ANKAR: variants seen among roughly 807,000 people sequenced by gnomAD.
ANKAR encodes ankyrin and armadillo repeat containing.
ANKAR carries 136 observed loss-of-function variants against 146.2 expected under a neutral mutation model. The ratio of observed to expected loss-of-function variants is 0.93; its 90% confidence interval spans 0.81 to 1.07. The LOEUF is 1.07. ANKAR is among the 50% of genes least tolerant of loss of function. The pLI is 0.00. For synonymous variants in ANKAR, 500 were observed against 575.8 expected (o/e 0.87, Z 1.88); for missense variants, 1,567 against 1,679.9 (o/e 0.93, Z 1.18).
chr2:189,721,846 G>A (rs924690607), intron 12 of ANKAR, among the ~76,000 whole-genome samples: 1 of 152,158 alleles, frequency 6.6e-6, no homozygotes, highest in African/African-American at 2.4e-5. Context: ...TTGGTTAAAT[G>A]TAAGTCAAGA....
chr2:189,718,268 C>A (rs149717578), intron 10 of ANKAR, among the ~76,000 whole-genome samples: 5,713 of 152,082 alleles, frequency 0.038, 156 homozygotes, highest in African/African-American at 0.067. Context: ...GTCTGGGCAG[C>A]ATAGTGAGAC....
intron 9 of ANKAR, among the ~76,000 whole-genome samples, chr2:189,708,473 T>C (rs1452013571): frequency 6.6e-6 from 1 of 152,252 alleles, no homozygotes; most frequent in Non-Finnish European, 1.5e-5. Context: ...GTACTTACAG[T>C]CCTCATACAA....
Position 189,741,340 on chromosome 2 carries a change from A to G in ANKAR, c.3701-2A>G. The G allele has an allele frequency of 3.2e-6, 5 of 1,582,612 alleles. No homozygotes were observed. The East Asian group carries it at 6.8e-5, about 21-fold the overall frequency. On this transcript the variant is annotated splice_acceptor_variant, in intron 19 of 22. Transcript: ENST00000684021. LOFTEE classifies it high-confidence loss of function. Reference sequence around the variant, plus strand: ...CAAGCATTTTTCTTGTTTAATTTATAGGGAATTTAATAGCAAGCCTGGCTC... The same window carrying G: ...CAAGCATTTTTCTTGTTTAATTTATGGGGAATTTAATAGCAAGCCTGGCTC...
chr2:189,706,885 A>G, intron 8 of ANKAR, 53 bp from the exon 9 acceptor site: 1 of 1,433,452 alleles, frequency 7.0e-7, no homozygotes, highest in Non-Finnish European at 9.5e-7. Flanking sequence ...GTTTTACAAA[A>G]AGTAAATTTG....
chr2:189,715,201 TAAA>T (rs1045714444), intron 10 of ANKAR, among the ~76,000 whole-genome samples: 5 of 151,592 alleles, frequency 3.3e-5, no homozygotes, highest in Admixed American at 6.6e-5. Context: ...GCAAGACTAA[TAAA>T]GAAGAAAAGA....
chr2:189,733,514 T>C (rs1005923922), intron 17 of ANKAR, among the ~76,000 whole-genome samples: 2 of 152,230 alleles, frequency 1.3e-5, no homozygotes, highest in African/African-American at 4.8e-5. Context: ...AATAATTTTA[T>C]GCCCTTTCAG....
chr2:189,734,625 G>A (rs1331951187), intron 17 of ANKAR, among the ~76,000 whole-genome samples: 1 of 152,182 alleles, frequency 6.6e-6, no homozygotes, highest in Admixed American at 6.6e-5. Flanking sequence ...TCAGGAGGTG[G>A]GTGGGAATTA....
intron 20 of ANKAR, among the ~76,000 whole-genome samples, chr2:189,742,865 G>GAC (rs58780931): frequency 0.069 from 2,946 of 42,964 alleles, 233 homozygotes; most frequent in Middle Eastern, 0.11. Flanking sequence ...AGAATTACCT[G>GAC]ACACACACAC....
At chr2:189,738,937 A>C (rs556894039) in intron 19 of ANKAR, among the ~76,000 whole-genome samples, 1 of 143,066 alleles carries the variant, frequency 7.0e-6, no homozygotes, top group African/African-American at 2.7e-5. Flanking sequence ...TCAAACCCTT[A>C]ACTTTTTTTT....
intron 2 of ANKAR, among the ~76,000 whole-genome samples, chr2:189,681,775 G>A (rs1476227379): frequency 6.6e-6 from 1 of 152,148 alleles, no homozygotes; most frequent in Non-Finnish European, 1.5e-5. Context: ...CAGCAATTCA[G>A]TTTGCCAATT....
rs986164489 is a variant in ANKAR, at chr2:189,755,973, G to C, written c.*585-5125G>C. Among the ~76,000 whole-genome samples, 12 of 152,268 alleles carry C rather than the reference G, an allele frequency of 7.9e-5. No individual in the cohort carries two copies. The East Asian group carries it at 2.3e-3, about 29-fold the overall frequency. On this transcript the variant is annotated intron_variant and NMD_transcript_variant, in intron 18 of 18. Transcript: ENST00000441800. ...AAAATGATTATATCTTAAACTGGGC[G>C]ATTGTGGGAATGGAAAGAAAGGGAC... is the stretch of plus-strand genomic sequence containing the variant.
chr2:189,732,516 C>A (rs975614844), intron 16 of ANKAR, among the ~76,000 whole-genome samples: 5 of 151,968 alleles, frequency 3.3e-5, no homozygotes, highest in Non-Finnish European at 5.9e-5. Flanking sequence ...AAAAAATTAG[C>A]TGGGCGTGGT....
chr2:189,692,205 C>A, intron 3 of ANKAR, 50 bp from the exon 4 acceptor site: 5 of 1,470,252 alleles, frequency 3.4e-6, no homozygotes, highest in Non-Finnish European at 4.6e-6. Context: ...TAAAATATGA[C>A]TTTATGTGCT....
chr2:189,735,880 A>G (rs907912651), intron 17 of ANKAR, among the ~76,000 whole-genome samples: 1 of 152,344 alleles, frequency 6.6e-6, no homozygotes, highest in Admixed American at 6.5e-5. Context: ...TTAATTATGA[A>G]TATACTTTTG....
At chr2:189,677,196 C>A in intron 2 of ANKAR, 105 bp downstream of exon 2, 2 of 1,149,578 alleles carry the variant, frequency 1.7e-6, no homozygotes, top group South Asian at 2.0e-5. Flanking sequence ...AGCCATTCAC[C>A]CACCTAGGCC....
chr2:189,705,748 TA>T (rs1432484073), intron 8 of ANKAR, among the ~76,000 whole-genome samples: 1 of 152,050 alleles, frequency 6.6e-6, no homozygotes, highest in African/African-American at 2.4e-5. Flanking sequence ...AAGAATAAAA[TA>T]ACTTTGAAAT....
In ANKAR at chr2:189,745,030, A is replaced by ACTAC. The variant is rs1380926394; in HGVS notation, c.4057+242_4057+243insCTAC. 2.7e-3 allele frequency among the ~76,000 whole-genome samples: 178 copies of ACTAC among 65,162 alleles called. 2 individuals carry two copies. The highest frequency in any genetic ancestry group is 0.013 in the South Asian group (14 of 1,112). The allele number at this position is 65,162 out of a possible 152,430, so 42.7% of individuals were successfully genotyped here. ...ACTACTACTACTACTACTACTACTA[A>ACTAC]TAATACAAAAATTAGCCAGGCATGG... On this transcript the variant is annotated intron_variant, in intron 22 of 22. Coordinates refer to ENST00000684021, the MANE Select transcript of ANKAR (RefSeq NM_001378068.1).
At position 189,744,741 on chromosome 2, in the gene ANKAR, G is replaced by T; in HGVS notation, c.4011-1G>T. On this transcript the variant is annotated splice_acceptor_variant, in intron 21 of 22. Transcript: ENST00000684021. LOFTEE classifies it high-confidence loss of function. Reference sequence around the variant, plus strand: ...TAATGACAAAAATGTTTTCCTTTTAGTCTGGAGAAGAATGGAGGACCATCC... The same window carrying T: ...TAATGACAAAAATGTTTTCCTTTTATTCTGGAGAAGAATGGAGGACCATCC... 1 of 1,589,126 alleles carries T rather than the reference G, an allele frequency of 6.3e-7. No individual in the cohort carries two copies. The highest frequency in any genetic ancestry group is 2.2e-5 in the East Asian group (1 of 44,602).
chr2:189,713,218 TC>T (rs1448881204), intron 10 of ANKAR, among the ~76,000 whole-genome samples: 1 of 152,048 alleles, frequency 6.6e-6, no homozygotes, highest in Non-Finnish European at 1.5e-5. Flanking sequence ...CAGGAGAACT[TC>T]CCCAACCTAG....
Sources: gnomAD v4.1 joint callset for allele counts (sites outside exome capture counted in the v4.1 genomes callset) on GRCh38, gnomAD v4.1.1 for gene constraint, MANE v1.5 for transcripts, NCBI Gene and HGNC (gene_info 2026-07-23, HGNC 2026-07-21) for gene names.